Variants in SLC25A43 observed in about 807,000 individuals in gnomAD.
SLC25A43 encodes the protein solute carrier family 25, member 43.
Under a neutral mutation model 22.8 loss-of-function variants are expected in SLC25A43, and 10 were observed. The ratio of observed to expected loss-of-function variants is 0.44; its 90% confidence interval spans 0.27 to 0.74. The LOEUF (loss-of-function observed/expected upper bound fraction) is 0.74. Ranked by LOEUF, SLC25A43 falls within the 30% of genes least tolerant of loss-of-function variation. The pLI is 0.17. For synonymous variants in SLC25A43, 106 were observed against 121.6 expected, an observed-to-expected ratio of 0.87 and a Z score of 0.84; for missense variants, 233 against 279.1, an observed-to-expected ratio of 0.83 and a Z score of 1.18.
intron 3 of SLC25A43, among the ~76,000 whole-genome samples, chrX:119,448,052 C>A (rs1349467277): frequency 9.0e-6 from 1 of 111,603 alleles, no homozygotes; most frequent in African/African-American, 3.3e-5. Context: ...TCTCCCATAG[C>A]GTCCTCCATC....
At chrX:119,441,855 C>T (rs1444181607) in intron 3 of SLC25A43, among the ~76,000 whole-genome samples, 1 of 111,104 alleles carries the variant, frequency 9.0e-6, no homozygotes, top group Admixed American at 9.6e-5. Context: ...TTTGGGAGGC[C>T]GAGGCAGGTG....
chrX:119,433,792 A>G (rs968948900), intron 3 of SLC25A43, among the ~76,000 whole-genome samples: 1 of 111,709 alleles, frequency 9.0e-6, no homozygotes, highest in South Asian at 3.7e-4. Flanking sequence ...AGGTACTGGG[A>G]GTAGAGCTGA....
In SLC25A43 at chrX:119,399,552, G is replaced by T; in HGVS notation, c.149G>T (p.Arg50Leu). The change falls in exon 1 of 5, where the codon CGG becomes CTG. Residue 50 changes from arginine to leucine, a missense_variant. Arg to Leu is a moderately radical substitution (Grantham distance 102, BLOSUM62 -2). Transcript: ENST00000217909. ...GTTGGCGTCGTGCGAGGCCACGCCC[G>T]GGGACCGTGGGCCACAGGGCACCGG... The part of the protein sequence containing the change: ...AQVGVVRGHA[R>L]GPWATGHRVW... 9.4e-7 allele frequency: 1 copy of T among 1,062,747 alleles called. No individual in the cohort carries two copies. The allele number at this position is 1,062,747 out of a possible 1,213,427, so 87.6% of individuals were successfully genotyped here.
chrX:119,412,132 C>CA (rs2052355135), intron 3 of SLC25A43, among the ~76,000 whole-genome samples: 1 of 111,128 alleles, frequency 9.0e-6, no homozygotes, highest in Non-Finnish European at 1.9e-5. Flanking sequence ...TGCCCTGGGC[C>CA]ATCGCTTACC....
At chrX:119,452,374 A>G (rs753728372) in intron 4 of SLC25A43, among the ~76,000 whole-genome samples, 3 of 110,718 alleles carry the variant, frequency 2.7e-5, no homozygotes, top group Non-Finnish European at 3.8e-5. Flanking sequence ...TAGTGCAGAG[A>G]TACTTAATGT....
intron 3 of SLC25A43, chrX:119,423,292 G>A (rs1420601563): frequency 1.8e-5 from 2 of 112,298 alleles, no homozygotes; most frequent in African/African-American, 6.5e-5. Flanking sequence ...CACTTTGGGA[G>A]GCTGAGGCAG....
chrX:119,408,088 TA>T (rs933301426), intron 2 of SLC25A43, among the ~76,000 whole-genome samples: 1 of 110,371 alleles, frequency 9.1e-6, no homozygotes, highest in South Asian at 3.9e-4. Context: ...CTGCTCTCCT[TA>T]AAAAGTATTC....
chrX:119,453,308 A>G lies in SLC25A43; in HGVS notation c.*243A>G. 2 of 367,463 alleles carry G rather than the reference A, an allele frequency of 5.4e-6. No individual in the cohort carries two copies. Among genetic ancestry groups the G allele is most frequent in the South Asian group, 5.5e-5 (1 of 18,318 alleles). The allele number at this position is 367,463 out of a possible 1,213,427, so 30.3% of individuals were successfully genotyped here. ...TGGCATTCCACGAGATTTTATAACC[A>G]GAGTCTAGCAGTGATAAAATGTACA... On this transcript the variant is annotated 3_prime_UTR_variant, in exon 5 of 5. Coordinates refer to ENST00000217909, the MANE Select transcript of SLC25A43 (RefSeq NM_145305.3).
chrX:119,410,282 A>G lies in SLC25A43; in HGVS notation c.610A>G (p.Asn204Asp). The change falls in exon 3 of 5, where the codon AAC becomes GAC. Residue 204 changes from asparagine (N) to aspartate (D), a missense_variant. By Grantham distance (23) the Asn-to-Asp change is conservative (BLOSUM62 1). Transcript: ENST00000217909. ...CCGAGATCAGTTCTCTCTCCCACAG[A>G]ACTTTGCTAATGTCTGTCTGGCTGC... ...GPRDQFSLPQ[N>D]FANVCLAAAV... 8.3e-7 allele frequency: 1 copy of G among 1,210,585 alleles called. No individual in the cohort carries two copies. The highest frequency in any genetic ancestry group is 1.1e-6 in the Non-Finnish European group (1 of 895,032).
chrX:119,404,122 T>C (rs1388352389), intron 1 of SLC25A43, among the ~76,000 whole-genome samples: 1 of 109,413 alleles, frequency 9.1e-6, no homozygotes, highest in African/African-American at 3.3e-5. Context: ...CTCAGCCTCC[T>C]GAGTAACTGG....
At chrX:119,449,413 C>CAAAAA (rs34141915) in intron 3 of SLC25A43, among the ~76,000 whole-genome samples, 8 of 72,571 alleles carry the variant, frequency 1.1e-4, no homozygotes, top group East Asian at 4.2e-4. Flanking sequence ...GACTCTGTCT[C>CAAAAA]AAAAAAAAAA....
chrX:119,432,168 A>G (rs1318690388), intron 3 of SLC25A43, among the ~76,000 whole-genome samples: 2 of 110,936 alleles, frequency 1.8e-5, no homozygotes, highest in South Asian at 3.8e-4. Flanking sequence ...CCCCAATTCA[A>G]ACAGAAGCTG....
intron 2 of SLC25A43, among the ~76,000 whole-genome samples, chrX:119,409,025 G>A (rs1200149135): frequency 1.8e-5 from 2 of 108,127 alleles, no homozygotes; most frequent in Admixed American, 1.0e-4. Flanking sequence ...TTTTTTCCCC[G>A]AACATTAAAA....
At chrX:119,430,028 T>G (rs2052539666) in intron 3 of SLC25A43, among the ~76,000 whole-genome samples, 1 of 111,975 alleles carries the variant, frequency 8.9e-6, no homozygotes, top group Admixed American at 9.5e-5. Context: ...AGTAACAAAG[T>G]CAGGCTGCAG....
chrX:119,409,638 G>A (rs2052332170), intron 2 of SLC25A43, among the ~76,000 whole-genome samples: 1 of 107,953 alleles, frequency 9.3e-6, no homozygotes, highest in Admixed American at 9.9e-5. Flanking sequence ...TTTTTGAGAT[G>A]GAGTTTCTCT....
At chrX:119,423,645 G>A (rs1202642371) in intron 3 of SLC25A43, 1 of 111,769 alleles carries the variant, frequency 8.9e-6, no homozygotes, top group Non-Finnish European at 1.9e-5. Context: ...GTACTTTGCT[G>A]GGGAGGTTTT....
At chrX:119,400,747 A>G (rs1569363739) in intron 1 of SLC25A43, among the ~76,000 whole-genome samples, 1 of 111,785 alleles carries the variant, frequency 8.9e-6, no homozygotes, top group East Asian at 2.8e-4. Context: ...GCCAGTACTC[A>G]TTTTGCCTCT....
intron 2 of SLC25A43, among the ~76,000 whole-genome samples, chrX:119,407,158 C>T (rs917547783): frequency 8.9e-6 from 1 of 111,827 alleles, no homozygotes; most frequent in African/African-American, 3.3e-5. Context: ...TAAGGTTGAC[C>T]ACCCCTTCTT....
chrX:119,453,044 G>A lies in SLC25A43; in HGVS notation c.1005G>A (p.Lys335=). The change falls in exon 5 of 5, where the codon AAG becomes AAA. Residue 335 remains lysine (K), a synonymous_variant. Coordinates refer to ENST00000217909, the MANE Select transcript of SLC25A43 (RefSeq NM_145305.3). The part of the protein sequence containing the change: ...LKKFFKTRKP[K]PKKPTL ...AGTTCTTCAAAACGAGAAAACCGAA[G>A]CCTAAAAAACCAACTCTATAAAATG... 2 of 1,209,590 alleles carry A rather than the reference G, an allele frequency of 1.7e-6. No individual in the cohort carries two copies. The highest frequency in any genetic ancestry group is 2.2e-6 in the Non-Finnish European group (2 of 893,902).
Sources: allele counts gnomAD v4.1 joint callset (sites outside exome capture counted in the v4.1 genomes callset), GRCh38; gene constraint gnomAD v4.1.1; transcripts MANE v1.5; gene names NCBI Gene and HGNC (gene_info 2026-07-23, HGNC 2026-07-21).